Variants in DHX34 observed in about 807,000 individuals in gnomAD.
DHX34 encodes DExH-box helicase 34, also known as probable ATP-dependent RNA helicase DHX34.
In DHX34, 96 loss-of-function variants were observed where a neutral mutation model predicts 111.1. That is an observed-to-expected ratio of 0.86 (90% CI 0.73 to 1.02). DHX34 has a LOEUF of 1.02. Ranked by LOEUF, DHX34 falls within the 50% of genes least tolerant of loss-of-function variation. DHX34 has a pLI of 0.00. For synonymous variants in DHX34, 688 were observed against 670.4 expected, an observed-to-expected ratio of 1.03 and a Z score of -0.41; for missense variants, 1,560 against 1,579.9, an observed-to-expected ratio of 0.99 and a Z score of 0.21.
Position 47,355,034 on chromosome 19 carries a change from C to T in DHX34, c.706-5C>T. ...TCTCCTGATCCTTTCTTTCTCCCAC[C>T]CCAGGTCGGCTACCAGATCCGCTTT... On this transcript the variant is annotated splice_region_variant and splice_polypyrimidine_tract_variant and intron_variant, in intron 2 of 16. Transcript: ENST00000328771. The T allele has an allele frequency of 1.9e-6, 3 of 1,613,088 alleles. No homozygotes were observed. Among genetic ancestry groups the T allele is most frequent in the South Asian group, 2.2e-5 (2 of 91,068 alleles).
chr19:47,349,453 G>A (rs976569932), intron 1 of DHX34, 101 bp downstream of exon 1: 1 of 152,408 alleles, frequency 6.6e-6, no homozygotes, highest in Non-Finnish European at 1.5e-5. Flanking sequence ...CAGGGGCGAG[G>A]GAAGTCTCGA....
rs1027674752 is a variant in DHX34 at position 47,358,063 on chromosome 19, C to G, written c.1215C>G (p.Thr405=). ...LEAAQTYASH[T]QRWVVLPLHS... The stretch of plus-strand genomic sequence containing the variant: ...CTGCCCAGACCTATGCCAGCCACAC[C>G]CAGCGCTGGGTGGTACTGCCACTGC... Residue 405 remains threonine (T), a synonymous_variant, in exon 4 of 17, where the codon ACC becomes ACG. Coordinates refer to ENST00000328771, the MANE Select transcript of DHX34 (RefSeq NM_014681.6). 1.2e-6 allele frequency: 2 copies of G among 1,613,278 alleles called. No individual in the cohort carries two copies. The highest frequency in any genetic ancestry group is 1.7e-6 in the Non-Finnish European group (2 of 1,179,926).
chr19:47,375,334 C>T, intron 9 of DHX34, 132 bp from the exon 10 acceptor site: 3 of 1,422,414 alleles, frequency 2.1e-6, no homozygotes, highest in Non-Finnish European at 2.7e-6. Context: ...CCATGCCCAG[C>T]ACCATGCGAG....
chr19:47,353,391 C>G lies in DHX34; in HGVS notation c.361C>G (p.Leu121Val), dbSNP rs889788676. 1 of 1,614,072 alleles carries G rather than the reference C, an allele frequency of 6.2e-7. No homozygotes were observed. Among genetic ancestry groups the G allele is most frequent in the East Asian group, 2.2e-5 (1 of 44,896 alleles). Residue 121 changes from leucine (L) to valine (V), a missense_variant, in exon 2 of 17, where the codon CTG (leucine) becomes GTG (valine). Physicochemically the swap from Leu to Val is conservative, Grantham distance 32. Coordinates refer to ENST00000328771, the MANE Select transcript of DHX34 (RefSeq NM_014681.6). This position sits in a 1 kb window ranked among gnomAD's most constrained non-coding sequence, Gnocchi z 4.6. ...LGPATRGSQG[L>V]GRHLPAERVA... ...CCCTGCCACGCGGGGCTCTCAGGGA[C>G]TGGGCAGGCACTTGCCCGCGGAGAG... is the stretch of plus-strand genomic sequence containing the variant.
intron 9 of DHX34, among the ~76,000 whole-genome samples, chr19:47,374,170 G>A (rs1477778400): frequency 6.6e-6 from 1 of 152,160 alleles, no homozygotes; most frequent in Non-Finnish European, 1.5e-5. Flanking sequence ...CGGGCGTGGT[G>A]GCTCACGCCT....
At chr19:47,366,840 C>G in intron 6 of DHX34, 141 bp from the exon 7 acceptor site, 7 of 1,354,492 alleles carry the variant, frequency 5.2e-6, no homozygotes, top group Non-Finnish European at 6.7e-6. Flanking sequence ...TTTCAAAGTG[C>G]TGGGATTACA....
chr19:47,372,624 G>T, intron 7 of DHX34, 106 bp from the exon 8 acceptor site: 1 of 1,444,726 alleles, frequency 6.9e-7, no homozygotes, highest in East Asian at 2.6e-5. Flanking sequence ...AAGATGGAGG[G>T]GGTGGGAGCA....
At chr19:47,368,654 AC>A (rs1969873801) in intron 7 of DHX34, among the ~76,000 whole-genome samples, 1 of 144,558 alleles carries the variant, frequency 6.9e-6, no homozygotes, top group Admixed American at 6.8e-5. Flanking sequence ...ACACACACAC[AC>A]ACACACATAC....
chr19:47,350,729 A>ATT (rs375167988), intron 1 of DHX34, among the ~76,000 whole-genome samples: 2 of 148,494 alleles, frequency 1.3e-5, no homozygotes, highest in African/African-American at 4.9e-5. Context: ...CTGAAAAAGC[A>ATT]TTTTTTTTTT....
intron 7 of DHX34, among the ~76,000 whole-genome samples, chr19:47,368,450 G>C (rs999711010): frequency 4.8e-4 from 72 of 150,540 alleles, no homozygotes; most frequent in African/African-American, 1.7e-3. Flanking sequence ...GGGATTACAG[G>C]CATGCGCCAC....
At position 47,355,079 on chromosome 19, in the gene DHX34, C is replaced by G. The variant is rs1426126584; in HGVS notation, c.746C>G (p.Ala249Gly). The change falls in exon 3 of 17, where the codon GCC (alanine) becomes GGC (glycine). Residue 249 changes from alanine to glycine, a missense_variant. Physicochemically the swap from Ala to Gly is moderately conservative, Grantham distance 60. Coordinates refer to ENST00000328771, the MANE Select transcript of DHX34 (RefSeq NM_014681.6). ...CGCTTTGAGAGCACACGTTCGGCGG[C>G]CACCAAGATTGTATTCCTGACAGTG... ...QIRFESTRSAATKIVFLTVGL... is the reference protein window; with the variant it reads ...QIRFESTRSAGTKIVFLTVGL... The G allele has an allele frequency of 6.2e-7, 1 of 1,613,960 alleles. No homozygotes were observed. Among genetic ancestry groups the G allele is most frequent in the East Asian group, 2.2e-5 (1 of 44,892 alleles).
chr19:47,352,986 T>A lies in DHX34; in HGVS notation c.-45T>A. 2 of 1,566,140 alleles carry A rather than the reference T, an allele frequency of 1.3e-6. 1 individual carries two copies. Among genetic ancestry groups the A allele is most frequent in the Middle Eastern group, 3.4e-4 (2 of 5,858 alleles). ...CAGGTGGGGAATGGATGAGAATATT[T>A]GTTTTGGGTGATCAGAACTGAGACT... On this transcript the variant is annotated 5_prime_UTR_variant, in exon 2 of 17. Coordinates refer to ENST00000328771, the MANE Select transcript of DHX34 (RefSeq NM_014681.6).
chr19:47,357,034 G>T (rs1969478516), intron 3 of DHX34, among the ~76,000 whole-genome samples: 1 of 151,984 alleles, frequency 6.6e-6, no homozygotes, highest in South Asian at 2.1e-4. Flanking sequence ...TTGCTATGTT[G>T]TCTGCCTGGT....
At chr19:47,373,036 G>A (rs1364132290) in intron 8 of DHX34, 113 bp downstream of exon 8, 1 of 1,356,442 alleles carries the variant, frequency 7.4e-7, no homozygotes, top group Non-Finnish European at 9.7e-7. Flanking sequence ...GAGGACCACT[G>A]AGCCCCCCAC....
In DHX34 at chr19:47,375,660, CAG is replaced by C; in HGVS notation, c.2260_2261del (p.Arg754GlyfsTer10). The C allele has an allele frequency of 1.9e-6, 3 of 1,556,484 alleles. No homozygotes were observed. Among genetic ancestry groups the C allele is most frequent in the Non-Finnish European group, 2.6e-6 (3 of 1,154,424 alleles). ...EQDGGSSDEDRAGPAPPGASD... is the reference protein window; with the variant it reads ...EQDGGSSDEDXAGPAPPGASD... ...AGGACGGCGGCTCCAGTGACGAGGA[CAG>C]GGCTGGCCCAGCCCCCCCAGGGGCC... On this transcript the variant is annotated frameshift_variant, in exon 10 of 17. Coordinates refer to ENST00000328771, the MANE Select transcript of DHX34 (RefSeq NM_014681.6). LOFTEE classifies it high-confidence loss of function.
At chr19:47,362,396 C>T (rs550355621) in intron 5 of DHX34, 80 bp from the exon 6 acceptor site, 324 of 1,408,366 alleles carry the variant, frequency 2.3e-4, no homozygotes, top group East Asian at 8.4e-4. Flanking sequence ...AGGGTGTTGG[C>T]GAGTGACAAG....
At chr19:47,376,938 C>T (rs1191628711) in intron 12 of DHX34, 162 bp from the exon 13 acceptor site, 1 of 1,538,392 alleles carries the variant, frequency 6.5e-7, no homozygotes, top group East Asian at 2.4e-5. Context: ...CTGGGAGTCA[C>T]ATTCAGATTT....
In DHX34 at chr19:47,353,159, C is replaced by T. The variant is rs769181099; in HGVS notation, c.129C>T (p.Phe43=). The change falls in exon 2 of 17, where the codon TTC becomes TTT. Residue 43 remains phenylalanine, a synonymous_variant. Transcript: ENST00000328771. The surrounding 1 kb of genome is among the most constrained non-coding windows in gnomAD (Gnocchi z 4.6). ...CGCGTCGCCTCTTGGAAGATGCCTTCTTCCGTGAAGAGGATTACATCCGTC... is the reference window on the plus strand; with the variant it reads ...CGCGTCGCCTCTTGGAAGATGCCTTTTTCCGTGAAGAGGATTACATCCGTC... ...PETRRLLEDA[F]FREEDYIRQG... is the part of the protein sequence containing the mutation. The T allele has an allele frequency of 1.9e-6, 3 of 1,614,060 alleles. No homozygotes were observed. The highest frequency in any genetic ancestry group is 1.7e-5 in the Admixed American group (1 of 59,990).
At chr19:47,373,517 T>C (rs1970034433) in intron 8 of DHX34, 82 bp from the exon 9 acceptor site, 5 of 1,530,106 alleles carry the variant, frequency 3.3e-6, no homozygotes, top group South Asian at 1.2e-5. Flanking sequence ...GATGCCCATT[T>C]TGGGGCTCTG....
Sources: allele counts gnomAD v4.1 joint callset (sites outside exome capture counted in the v4.1 genomes callset), GRCh38; gene constraint gnomAD v4.1.1; non-coding constraint Gnocchi (gnomAD v3.1); transcripts MANE v1.5; gene names NCBI Gene and HGNC (gene_info 2026-07-23, HGNC 2026-07-21).